The following TSPAN18 variants were observed in gnomAD, a reference collection of about 807,000 sequenced individuals.
The protein encoded by TSPAN18 is tetraspanin 18, also known as tetraspanin-18.
TSPAN18 carries 14 observed loss-of-function variants against 27.3 expected under a neutral mutation model. The observed-to-expected ratio is 0.51, with a 90% CI of 0.34 to 0.80. The LOEUF (loss-of-function observed/expected upper bound fraction) is 0.80. Ranked by LOEUF, TSPAN18 falls within the 30% of genes least tolerant of loss-of-function variation. The pLI, the probability that TSPAN18 is intolerant of heterozygous loss-of-function variation, is 0.01. For synonymous variants in TSPAN18, 143 were observed against 136.5 expected, an observed-to-expected ratio of 1.05 and a Z score of -0.33; for missense variants, 268 against 323.9, an observed-to-expected ratio of 0.83 and a Z score of 1.32.
At chr11:44,880,734 C>T (rs1288624694) in intron 3 of TSPAN18, among the ~76,000 whole-genome samples, 1 of 152,240 alleles carries the variant, frequency 6.6e-6, no homozygotes, top group East Asian at 1.9e-4. Context: ...GACTCAAGGA[C>T]CTCTGTATAA....
intron 1 of TSPAN18, among the ~76,000 whole-genome samples, chr11:44,737,273 A>G (rs1854819889): frequency 1.3e-5 from 2 of 152,182 alleles, no homozygotes; most frequent in Admixed American, 6.5e-5. Flanking sequence ...GACCCAAAGG[A>G]CAAGCTGGGT....
chr11:44,897,933 T>A (rs1371495355), intron 3 of TSPAN18: 2 of 1,164,530 alleles, frequency 1.7e-6, no homozygotes, highest in Admixed American at 4.6e-5. Flanking sequence ...TGTTTGCCTC[T>A]GTGTCTCCTT....
At chr11:44,790,266 T>A (rs1002270742) in intron 2 of TSPAN18, among the ~76,000 whole-genome samples, 3 of 151,240 alleles carry the variant, frequency 2.0e-5, no homozygotes, top group Admixed American at 2.0e-4. Flanking sequence ...TATGTTTATG[T>A]GTATGTGTGC....
intron 2 of TSPAN18, among the ~76,000 whole-genome samples, chr11:44,833,886 C>T (rs1173308435): frequency 6.6e-6 from 1 of 151,940 alleles, no homozygotes; most frequent in African/African-American, 2.4e-5. Context: ...TAGATGCTCA[C>T]CCCCACCCAG....
At chr11:44,923,619 G>A (rs190406093) in intron 8 of TSPAN18, among the ~76,000 whole-genome samples, 104 of 152,314 alleles carry the variant, frequency 6.8e-4, no homozygotes, top group Admixed American at 1.0e-3. Flanking sequence ...AATCCTCAGT[G>A]TAAATCCTGG....
chr11:44,740,152 CT>C (rs758601545), intron 1 of TSPAN18, among the ~76,000 whole-genome samples: 6 of 152,210 alleles, frequency 3.9e-5, no homozygotes, highest in Non-Finnish European at 7.3e-5. Context: ...CCTTGCCTAT[CT>C]CTGCTTTGTC....
intron 2 of TSPAN18, among the ~76,000 whole-genome samples, chr11:44,829,976 C>T (rs1464360322): frequency 1.3e-5 from 2 of 152,210 alleles, no homozygotes; most frequent in East Asian, 1.9e-4. Flanking sequence ...TTCTGTGGTT[C>T]CCACTGCACT....
intron 1 of TSPAN18, among the ~76,000 whole-genome samples, chr11:44,745,176 T>G (rs1855042528): frequency 1.3e-5 from 2 of 152,208 alleles, no homozygotes; most frequent in Admixed American, 1.3e-4. Flanking sequence ...GTGGGCATCT[T>G]TCTTCTTCAG....
intron 1 of TSPAN18, among the ~76,000 whole-genome samples, chr11:44,738,751 A>G (rs1854859360): frequency 6.6e-6 from 1 of 152,226 alleles, no homozygotes; most frequent in Non-Finnish European, 1.5e-5. Flanking sequence ...CAAAACATTC[A>G]CATTCCAAAG....
chr11:44,894,591 G>C (rs536885739), intron 3 of TSPAN18, among the ~76,000 whole-genome samples: 1 of 152,370 alleles, frequency 6.6e-6, no homozygotes, highest in East Asian at 1.9e-4. Context: ...GGCGACAGGA[G>C]GGGCGAGATT....
intron 2 of TSPAN18, among the ~76,000 whole-genome samples, chr11:44,809,968 G>A (rs1473806317): frequency 3.3e-5 from 5 of 152,122 alleles, no homozygotes; most frequent in Non-Finnish European, 7.4e-5. Context: ...AGGAAACGGC[G>A]CAAAAATGAT....
intron 3 of TSPAN18, among the ~76,000 whole-genome samples, chr11:44,866,844 A>G (rs1035685636): frequency 6.6e-6 from 1 of 152,192 alleles, no homozygotes; most frequent in Non-Finnish European, 1.5e-5. Context: ...AGCCGCCCCC[A>G]AGGCATAGGA....
chr11:44,863,947 G>A (rs1857963266), intron 3 of TSPAN18, among the ~76,000 whole-genome samples: 1 of 152,128 alleles, frequency 6.6e-6, no homozygotes, highest in African/African-American at 2.4e-5. Context: ...ATATAACTCT[G>A]TGGGAGTCTT....
intron 2 of TSPAN18, among the ~76,000 whole-genome samples, chr11:44,803,412 G>A (rs746076118): frequency 9.2e-5 from 14 of 152,156 alleles, no homozygotes; most frequent in Non-Finnish European, 1.9e-4. Flanking sequence ...ACAGGAGTAG[G>A]GAAACATTAA....
At position 44,931,207 on chromosome 11, in the gene TSPAN18, G is replaced by A. The variant is rs111322211; in HGVS notation, c.*2029G>A. On this transcript the variant is annotated 3_prime_UTR_variant, in exon 10 of 10. Coordinates refer to ENST00000520358, the MANE Select transcript of TSPAN18 (RefSeq NM_130783.5). ...GAAGCTAAGCTCCTGAGACCCAGGG[G>A]GACCTGCCACTGGTACCGCGGCCCA... 1.9e-4 allele frequency: 58 copies of A among 305,174 alleles called. 1 individual carries two copies. The highest frequency in any genetic ancestry group is 1.2e-3 in the African/African-American group (53 of 45,590). The allele number at this position is 305,174 out of a possible 1,614,324, so 18.9% of individuals were successfully genotyped here.
intron 2 of TSPAN18, among the ~76,000 whole-genome samples, chr11:44,777,785 T>C (rs764922559): frequency 1.3e-5 from 2 of 152,176 alleles, no homozygotes; most frequent in Non-Finnish European, 2.9e-5. Context: ...GTAGTCTTTA[T>C]GCCAGCTCCA....
chr11:44,880,293 G>A (rs1466853224), intron 3 of TSPAN18, among the ~76,000 whole-genome samples: 1 of 152,238 alleles, frequency 6.6e-6, no homozygotes. Flanking sequence ...CTTGGTGCCA[G>A]GTCCCATACG....
Position 44,850,976 on chromosome 11 carries a change from C to T in TSPAN18, c.-152-9352C>T, listed in dbSNP as rs79488433. ...CCTTACAGAAAGGAGAATGTAGAAGCCCAGAGAGGGCACTTGATCTGCTCC... is the reference window on the plus strand; with the variant it reads ...CCTTACAGAAAGGAGAATGTAGAAGTCCAGAGAGGGCACTTGATCTGCTCC... On this transcript the variant is annotated intron_variant, in intron 2 of 9. Transcript: ENST00000520358. 3.5e-4 allele frequency among the ~76,000 whole-genome samples: 54 copies of T among 152,308 alleles called. 1 individual carries two copies. In the East Asian group the frequency reaches 0.01, roughly 28 times the overall value.
chr11:44,839,973 G>T (rs931683998), intron 2 of TSPAN18, among the ~76,000 whole-genome samples: 2 of 152,192 alleles, frequency 1.3e-5, no homozygotes, highest in African/African-American at 2.4e-5. Context: ...TCCCTCACAG[G>T]ATTGTGATGG....
Sources: gnomAD v4.1 joint callset for allele counts (sites outside exome capture counted in the v4.1 genomes callset) on GRCh38, gnomAD v4.1.1 for gene constraint, MANE v1.5 for transcripts, NCBI Gene and HGNC (gene_info 2026-07-23, HGNC 2026-07-21) for gene names.